The following CAMTA1 variants were observed in gnomAD, a reference collection of about 807,000 sequenced individuals.
CAMTA1 encodes the protein calmodulin binding transcription activator 1, also known as calmodulin-binding transcription activator 1.
In CAMTA1, 27 loss-of-function variants were observed where a neutral mutation model predicts 170.9. The observed-to-expected ratio is 0.16, with a 90% CI of 0.12 to 0.22. The LOEUF is 0.22. Ranked by LOEUF, CAMTA1 falls within the 10% of genes least tolerant of loss-of-function variation. The pLI, the probability that CAMTA1 is intolerant of heterozygous loss-of-function variation, is 1.00. For missense variants in CAMTA1, 1,619 were observed against 2,217.2 expected (o/e 0.73, Z 5.42); for synonymous variants, 833 against 891.5 (o/e 0.93, Z 1.17).
intron 3 of CAMTA1, among the ~76,000 whole-genome samples, chr1:6,856,900 G>C (rs1212168613): frequency 6.6e-6 from 1 of 152,124 alleles, no homozygotes; most frequent in Non-Finnish European, 1.5e-5. Context: ...CGGCATGTCT[G>C]AAGTGAGGAG....
chr1:6,908,872 T>G (rs1278848020), intron 3 of CAMTA1, among the ~76,000 whole-genome samples: 1 of 152,222 alleles, frequency 6.6e-6, no homozygotes, highest in Non-Finnish European at 1.5e-5. Context: ...CAAGTAAGTG[T>G]GCAATATTAA....
rs2095299960 is a variant in CAMTA1 at position 7,585,310 on chromosome 1, G to A, written c.511-55090G>A. On this transcript the variant is annotated intron_variant, in intron 6 of 22. Transcript: ENST00000303635. The surrounding 1 kb of genome is among the most constrained non-coding windows in gnomAD (Gnocchi z 4.8). Reference sequence around the variant, plus strand: ...GTTGCGGATAGAGTAGCCAAGAAGAGGCCTCTGCGGAGGGGCACCTGGCAG... The same window carrying A: ...GTTGCGGATAGAGTAGCCAAGAAGAAGCCTCTGCGGAGGGGCACCTGGCAG... Among the ~76,000 whole-genome samples the A allele has an allele frequency of 6.6e-6, 1 of 152,230 alleles. No homozygotes were observed. The highest frequency in any genetic ancestry group is 6.5e-5 in the Admixed American group (1 of 15,286).
chr1:7,306,757 C>T (rs756344779), intron 5 of CAMTA1, among the ~76,000 whole-genome samples: 4 of 151,736 alleles, frequency 2.6e-5, no homozygotes, highest in African/African-American at 9.7e-5. Flanking sequence ...CTGAGTTTTC[C>T]AATATGTGAC....
rs1262178266 is a variant in CAMTA1 at position 7,224,400 on chromosome 1, C to A, written c.303-25091C>A. 6.6e-6 allele frequency among the ~76,000 whole-genome samples: 1 copy of A among 152,084 alleles called. No individual in the cohort carries two copies. On this transcript the variant is annotated intron_variant, in intron 4 of 22. Coordinates refer to ENST00000303635, the MANE Select transcript of CAMTA1 (RefSeq NM_015215.4). This position sits in a 1 kb window ranked among gnomAD's most constrained non-coding sequence, Gnocchi z 5.2. ...CCACAGCTGGATGGCTCAGCGTCCACCCAAAGGGAAGTGGAAAAACCAGCA... is the reference window on the plus strand; with the variant it reads ...CCACAGCTGGATGGCTCAGCGTCCAACCAAAGGGAAGTGGAAAAACCAGCA...
At chr1:7,496,476 C>T (rs1047945382) in intron 6 of CAMTA1, among the ~76,000 whole-genome samples, 1 of 152,176 alleles carries the variant, frequency 6.6e-6, no homozygotes, top group Non-Finnish European at 1.5e-5. Context: ...TGTGCACATG[C>T]GTGCCCAGGT....
At chr1:7,536,808 T>C (rs1189643410) in intron 6 of CAMTA1, among the ~76,000 whole-genome samples, 1 of 151,626 alleles carries the variant, frequency 6.6e-6, no homozygotes, top group Non-Finnish European at 1.5e-5. Flanking sequence ...GCCTGCAGCC[T>C]GAAGCCCTAA....
At chr1:7,327,797 C>T (rs1055172138) in intron 5 of CAMTA1, among the ~76,000 whole-genome samples, 1 of 152,188 alleles carries the variant, frequency 6.6e-6, no homozygotes, top group Non-Finnish European at 1.5e-5. Flanking sequence ...TTTCTTCTCC[C>T]TGAAGTATAT....
chr1:7,638,354 G>C (rs1170551728), intron 6 of CAMTA1, among the ~76,000 whole-genome samples: 1 of 152,164 alleles, frequency 6.6e-6, no homozygotes, highest in African/African-American at 2.4e-5. Context: ...GAAAAAAATG[G>C]TTCAGGCCAG....
In CAMTA1 at chr1:6,996,682, TA is replaced by T. The variant is rs1173274969; in HGVS notation, c.235-94612del. Among the ~76,000 whole-genome samples the T allele has an allele frequency of 7.5e-5, 11 of 147,136 alleles. No homozygotes were observed. The East Asian group carries it at 1.4e-3, about 19-fold the overall frequency. On this transcript the variant is annotated intron_variant, in intron 3 of 22. Coordinates refer to ENST00000303635, the MANE Select transcript of CAMTA1 (RefSeq NM_015215.4). ...GGCCTGCCTCAGGCAAAAAGCTATTTAAAAAAAAAAGAAAGAAAGAAAGAAA... is the reference window on the plus strand; with the variant it reads ...GGCCTGCCTCAGGCAAAAAGCTATTTAAAAAAAAAGAAAGAAAGAAAGAAA...
chr1:7,689,511 T>G (rs2096287606), intron 11 of CAMTA1, among the ~76,000 whole-genome samples: 4 of 151,616 alleles, frequency 2.6e-5, no homozygotes, highest in Admixed American at 2.6e-4. Flanking sequence ...CCCTGGAGGT[T>G]GAGGCTGCAG....
chr1:7,111,868 G>A (rs1056957189), intron 4 of CAMTA1, among the ~76,000 whole-genome samples: 4 of 143,562 alleles, frequency 2.8e-5, no homozygotes, highest in South Asian at 2.2e-4. Flanking sequence ...CTGGGCGACC[G>A]GGCAAGACTC....
chr1:7,200,710 G>C (rs1477258674), intron 4 of CAMTA1, among the ~76,000 whole-genome samples: 1 of 152,174 alleles, frequency 6.6e-6, no homozygotes, highest in Non-Finnish European at 1.5e-5. Flanking sequence ...CTCATATCAG[G>C]AGATTTGCGC....
chr1:6,834,012 G>C (rs1651710799), intron 3 of CAMTA1, among the ~76,000 whole-genome samples: 1 of 152,102 alleles, frequency 6.6e-6, no homozygotes, highest in Non-Finnish European at 1.5e-5. Flanking sequence ...AACCTACTTG[G>C]CCTCTCTTGG....
intron 5 of CAMTA1, among the ~76,000 whole-genome samples, chr1:7,440,020 G>C (rs765994928): frequency 1.3e-5 from 2 of 152,266 alleles, no homozygotes; most frequent in African/African-American, 2.4e-5. Context: ...GAGGCAGGTG[G>C]CTCCTGGAAC....
At position 7,519,260 on chromosome 1, in the gene CAMTA1, G is replaced by C. The variant is rs1019090834; in HGVS notation, c.510+51359G>C. The stretch of plus-strand genomic sequence containing the variant: ...GGGGACAGCCCTCACCTGTCTCCTT[G>C]AGGCTTCGGCAGGTGGGCAGGGGCC... On this transcript the variant is annotated intron_variant, in intron 6 of 22. Coordinates refer to ENST00000303635, the MANE Select transcript of CAMTA1 (RefSeq NM_015215.4). Among the ~76,000 whole-genome samples the C allele has an allele frequency of 3.2e-4, 48 of 152,124 alleles. 4 individuals are homozygous for C. The highest frequency in any genetic ancestry group is 1.1e-3 in the African/African-American group (44 of 41,378).
At chr1:7,375,913 G>A (rs565425284) in intron 5 of CAMTA1, among the ~76,000 whole-genome samples, 2 of 152,326 alleles carry the variant, frequency 1.3e-5, no homozygotes, top group East Asian at 3.9e-4. Flanking sequence ...TGTAGGACAG[G>A]AAGCAGCGGA....
intron 10 of CAMTA1, 94 bp from the exon 11 acceptor site, chr1:7,677,505 G>C (rs185200061): frequency 5.2e-5 from 71 of 1,355,828 alleles, no homozygotes; most frequent in Non-Finnish European, 7.2e-5. Flanking sequence ...ACCAATGAAG[G>C]GTAGTGGGGA....
intron 1 of CAMTA1, among the ~76,000 whole-genome samples, chr1:6,807,492 G>A (rs554297373): frequency 2.0e-5 from 3 of 152,202 alleles, no homozygotes; most frequent in South Asian, 4.1e-4. Context: ...AGGCCGAGGC[G>A]GGTGGATCAT....
chr1:7,040,842 C>T (rs922136114), intron 3 of CAMTA1, among the ~76,000 whole-genome samples: 7 of 147,788 alleles, frequency 4.7e-5, no homozygotes, highest in African/African-American at 1.8e-4. Flanking sequence ...TCCCCTGCCT[C>T]AGCCTCTCGA....
Sources: gnomAD v4.1 joint callset for allele counts (sites outside exome capture counted in the v4.1 genomes callset) on GRCh38, gnomAD v4.1.1 for gene constraint, Gnocchi (gnomAD v3.1) non-coding constraint, MANE v1.5 for transcripts, NCBI Gene and HGNC (gene_info 2026-07-23, HGNC 2026-07-21) for gene names.